Variants in SYNE1 observed in about 807,000 individuals in gnomAD.
The protein encoded by SYNE1 is nesprin-1.
In SYNE1, 616 loss-of-function variants were observed where a neutral mutation model predicts 1,111.0. The ratio of observed to expected loss-of-function variants is 0.55; its 90% CI spans 0.52 to 0.59. The LOEUF (loss-of-function observed/expected upper bound fraction) is 0.59. SYNE1 is among the 20% of genes least tolerant of loss of function. The pLI is 0.00. For synonymous variants in SYNE1, 3,855 were observed against 3,825.8 expected, an observed-to-expected ratio of 1.01 and a Z score of -0.28; for missense variants, 10,006 against 10,417.0, an observed-to-expected ratio of 0.96 and a Z score of 1.72.
intron 3 of SYNE1, among the ~76,000 whole-genome samples, chr6:152,621,212 G>A (rs2099674603): frequency 6.6e-6 from 1 of 152,120 alleles, no homozygotes; most frequent in Non-Finnish European, 1.5e-5. Context: ...GGAGCTAGAG[G>A]AAAAAGCTGT....
intron 8 of SYNE1, among the ~76,000 whole-genome samples, chr6:152,508,309 G>A (rs2099068679): frequency 6.6e-6 from 1 of 152,090 alleles, no homozygotes; most frequent in African/African-American, 2.4e-5. Flanking sequence ...GCTTGCTCAC[G>A]GGTGGAGAAC....
At chr6:152,595,102 C>T (rs1428500137) in intron 3 of SYNE1, among the ~76,000 whole-genome samples, 2 of 152,188 alleles carry the variant, frequency 1.3e-5, no homozygotes, top group East Asian at 1.9e-4. Flanking sequence ...GGTTCCTTTG[C>T]GGTCTCCTGT....
At chr6:152,230,050 G>A (rs1394143050) in intron 115 of SYNE1, among the ~76,000 whole-genome samples, 1 of 147,034 alleles carries the variant, frequency 6.8e-6, no homozygotes, top group South Asian at 2.1e-4. Context: ...TTTTTTTCTT[G>A]GAAACAGGGT....
chr6:152,201,693 T>C, intron 127 of SYNE1, 131 bp downstream of exon 127: 1 of 1,359,756 alleles, frequency 7.4e-7, no homozygotes, highest in East Asian at 2.3e-5. Flanking sequence ...CTGAGTTGCC[T>C]GTCCTTATGT....
intron 63 of SYNE1, among the ~76,000 whole-genome samples, chr6:152,364,011 A>G (rs559785114): frequency 1.3e-5 from 2 of 152,214 alleles, no homozygotes; most frequent in South Asian, 4.1e-4. Flanking sequence ...AGTTCCCATA[A>G]TCCCCACATG....
chr6:152,134,927 A>T (rs2056701431), intron 142 of SYNE1, 177 bp downstream of exon 142: 1 of 709,270 alleles, frequency 1.4e-6, no homozygotes, highest in South Asian at 1.9e-5. Flanking sequence ...TCTTCTATGC[A>T]CATGTTTGCT....
At chr6:152,517,683 T>C (rs1261992296) in intron 6 of SYNE1, among the ~76,000 whole-genome samples, 1 of 152,174 alleles carries the variant, frequency 6.6e-6, no homozygotes, top group Non-Finnish European at 1.5e-5. Flanking sequence ...TATGAACTGA[T>C]GTGGGATGAT....
Position 152,231,533 on chromosome 6 carries a change from G to C in SYNE1, c.20897C>G (p.Thr6966Arg). 1.9e-6 allele frequency: 3 copies of C among 1,613,972 alleles called. No individual in the cohort carries two copies. Among genetic ancestry groups the C allele is most frequent in the Non-Finnish European group, 2.5e-6 (3 of 1,180,006 alleles). The change falls in exon 114 of 146, where the codon ACA (threonine) becomes AGA (arginine). Residue 6966 changes from threonine to arginine, a missense_variant. Around this residue, in one of 7 missense-constraint regions of SYNE1, gnomAD observed 2,182 missense variants for 2,287.8 expected, o/e 0.95. Coordinates refer to ENST00000367255, the MANE Select transcript of SYNE1 (RefSeq NM_182961.4). ...FKIDINCKQL[T>R]VDFVNQSVLQ... ...CACGGACTGGTTCACAAAATCCACT[G>C]TCAGCTGTTTACAGTTAATGTCTAT... is the stretch of plus-strand genomic sequence containing the variant.
chr6:152,376,687 A>G, intron 57 of SYNE1, 89 bp downstream of exon 57: 1 of 1,574,638 alleles, frequency 6.4e-7, no homozygotes, highest in South Asian at 1.1e-5. Flanking sequence ...ATGCTGAACT[A>G]ATATTATTTT....
intron 3 of SYNE1, among the ~76,000 whole-genome samples, chr6:152,607,678 A>G (rs1181033946): frequency 1.3e-5 from 2 of 152,196 alleles, no homozygotes; most frequent in Non-Finnish European, 2.9e-5. Context: ...CAATCCCATT[A>G]CTGGGTATAT....
chr6:152,589,261 A>C (rs1481261058), intron 3 of SYNE1, among the ~76,000 whole-genome samples: 1 of 152,130 alleles, frequency 6.6e-6, no homozygotes, highest in African/African-American at 2.4e-5. Flanking sequence ...TTTGTTAGCC[A>C]TTTCATGGGA....
chr6:152,546,911 C>G (rs1192306965), intron 3 of SYNE1: 1 of 152,054 alleles, frequency 6.6e-6, no homozygotes, highest in Non-Finnish European at 1.5e-5. Context: ...CTTTAGTTGA[C>G]TTTACCCTGA....
chr6:152,334,119 A>C lies in SYNE1; in HGVS notation c.12683T>G (p.Leu4228Arg), dbSNP rs2096319296. The change falls in exon 77 of 146, where the codon CTG becomes CGG. Residue 4228 changes from leucine (L) to arginine (R), a missense_variant. Around this residue, in one of 7 missense-constraint regions of SYNE1, gnomAD observed 4,955 missense variants for 5,017.2 expected, o/e 0.99. Transcript: ENST00000367255. ...WLDLCRQSNN[L>R]CLQREEDLQR... Reference sequence around the variant, plus strand: ...AAGATCCTCTTCCCTTTGCAAGCACAGGTTGTTAGACTGACGGCACAAATC... The same window carrying C: ...AAGATCCTCTTCCCTTTGCAAGCACCGGTTGTTAGACTGACGGCACAAATC... 1 of 1,614,196 alleles carries C rather than the reference A, an allele frequency of 6.2e-7. No homozygotes were observed. Among genetic ancestry groups the C allele is most frequent in the African/African-American group, 1.3e-5 (1 of 75,064 alleles).
chr6:152,257,531 A>G (rs2091116939), intron 101 of SYNE1, among the ~76,000 whole-genome samples: 1 of 152,224 alleles, frequency 6.6e-6, no homozygotes, highest in African/African-American at 2.4e-5. Flanking sequence ...ACCCTGTTTC[A>G]AAACACACAA....
intron 20 of SYNE1, chr6:152,462,519 C>T (rs1242373734): frequency 1.6e-6 from 1 of 606,456 alleles, no homozygotes; most frequent in Non-Finnish European, 2.8e-6. Context: ...AAAAAAATCT[C>T]CAAACTGAGA....
chr6:152,615,922 G>A (rs1405692), intron 3 of SYNE1, among the ~76,000 whole-genome samples: 108,851 of 152,064 alleles, frequency 0.72, 39,052 homozygotes, highest in East Asian at 0.81. Flanking sequence ...AATTTTCACC[G>A]GTGTTTTTGT....
rs537070731 is a variant in SYNE1, at chr6:152,469,594, A to T, written c.1632+2003T>A. On this transcript the variant is annotated intron_variant, in intron 16 of 145. Coordinates refer to ENST00000367255, the MANE Select transcript of SYNE1 (RefSeq NM_182961.4). Reference sequence around the variant, plus strand: ...TATGGACCAATATTAAATTGAACTGATATTTATGTGAATTACATTCTTTAG... The same window carrying T: ...TATGGACCAATATTAAATTGAACTGTTATTTATGTGAATTACATTCTTTAG... 3.3e-5 allele frequency among the ~76,000 whole-genome samples: 5 copies of T among 152,280 alleles called. No homozygotes were observed. In the East Asian group the frequency reaches 7.7e-4, roughly 23 times the overall value.
chr6:152,388,563 T>G (rs2154129460), intron 53 of SYNE1, among the ~76,000 whole-genome samples: 1 of 152,310 alleles, frequency 6.6e-6, no homozygotes, highest in Non-Finnish European at 1.5e-5. Context: ...CCTCCCAAAG[T>G]GCTGGGATTA....
intron 24 of SYNE1, among the ~76,000 whole-genome samples, chr6:152,454,907 A>C (rs1023174792): frequency 2.0e-5 from 3 of 152,182 alleles, no homozygotes; most frequent in African/African-American, 7.2e-5. Context: ...ATTCATGAAC[A>C]TTATGACTAA....
Sources: allele counts gnomAD v4.1 joint callset (sites outside exome capture counted in the v4.1 genomes callset), GRCh38; gene constraint gnomAD v4.1.1; regional missense constraint gnomAD v4.1.1; transcripts MANE v1.5; gene names NCBI Gene and HGNC (gene_info 2026-07-23, HGNC 2026-07-21).